PTPRM: variants seen among roughly 807,000 people sequenced by gnomAD.
The protein encoded by PTPRM is protein tyrosine phosphatase receptor type M.
In PTPRM, 47 loss-of-function variants were observed where a neutral mutation model predicts 186.7. The ratio of observed to expected loss-of-function variants is 0.25; its 90% CI spans 0.20 to 0.32. The LOEUF is 0.32. Ranked by LOEUF, PTPRM falls within the 10% of genes least tolerant of loss-of-function variation. The pLI is 1.00. For missense variants in PTPRM, 1,494 were observed against 1,865.0 expected (o/e 0.80, Z 3.66); for synonymous variants, 668 against 674.9 (o/e 0.99, Z 0.16).
At chr18:7,813,917 C>T (rs180820962) in intron 2 of PTPRM, among the ~76,000 whole-genome samples, 1,589 of 152,236 alleles carry the variant, frequency 0.01, 34 homozygotes, top group African/African-American at 0.036. Context: ...TTCAGATCAC[C>T]TTTAAAAAAT....
chr18:8,380,679 G>A (rs2095728023), intron 29 of PTPRM, among the ~76,000 whole-genome samples: 1 of 152,230 alleles, frequency 6.6e-6, no homozygotes, highest in Admixed American at 6.5e-5. Context: ...ACGGCCAGAA[G>A]TTGAGCTGTT....
chr18:7,633,425 C>G (rs2038238120), intron 1 of PTPRM, among the ~76,000 whole-genome samples: 1 of 152,160 alleles, frequency 6.6e-6, no homozygotes, highest in Non-Finnish European at 1.5e-5. Context: ...CACATCCTTT[C>G]TGGTTTCTTC....
At chr18:8,378,195 A>G in intron 26 of PTPRM, 70 bp from the exon 27 acceptor site, 1 of 1,469,352 alleles carries the variant, frequency 6.8e-7, no homozygotes, top group Non-Finnish European at 9.4e-7. Flanking sequence ...ATGTGGGGCT[A>G]AAATTGATAC....
intron 2 of PTPRM, among the ~76,000 whole-genome samples, chr18:7,842,162 A>G (rs1002517479): frequency 6.6e-6 from 1 of 152,176 alleles, no homozygotes; most frequent in Non-Finnish European, 1.5e-5. Context: ...GAAAAATATG[A>G]GGCTAAATGA....
At chr18:8,030,367 G>C (rs2085884282) in intron 7 of PTPRM, among the ~76,000 whole-genome samples, 2 of 152,174 alleles carry the variant, frequency 1.3e-5, no homozygotes, top group African/African-American at 4.8e-5. Context: ...GAAAGCCTAG[G>C]CCCTGAAACT....
chr18:7,853,401 A>G (rs2046957782), intron 2 of PTPRM, among the ~76,000 whole-genome samples: 1 of 152,132 alleles, frequency 6.6e-6, no homozygotes, highest in African/African-American at 2.4e-5. Flanking sequence ...CTCCCTTGGG[A>G]GCTTCAGGTA....
At chr18:8,306,703 C>T (rs564283427) in intron 20 of PTPRM, among the ~76,000 whole-genome samples, 2 of 152,324 alleles carry the variant, frequency 1.3e-5, no homozygotes, top group Admixed American at 1.3e-4. Context: ...AATGGCTAGA[C>T]CCTGGCCCTG....
intron 15 of PTPRM, among the ~76,000 whole-genome samples, chr18:8,244,893 C>T (rs916920035): frequency 3.3e-5 from 5 of 152,166 alleles, no homozygotes; most frequent in African/African-American, 9.7e-5. Flanking sequence ...TGGTTTAGGG[C>T]ACACTTTGGT....
intron 13 of PTPRM, among the ~76,000 whole-genome samples, chr18:8,125,958 G>T (rs2092324313): frequency 8.5e-6 from 1 of 118,234 alleles, no homozygotes; most frequent in African/African-American, 3.2e-5. Flanking sequence ...TGTGGAGAAT[G>T]CTATATGTGT....
At chr18:7,711,630 A>G (rs1441665132) in intron 1 of PTPRM, among the ~76,000 whole-genome samples, 6 of 152,298 alleles carry the variant, frequency 3.9e-5, no homozygotes, top group African/African-American at 7.2e-5. Context: ...GACATGGGAC[A>G]CTGGACTTGG....
chr18:7,862,863 C>A (rs2047465946), intron 2 of PTPRM, among the ~76,000 whole-genome samples: 1 of 152,134 alleles, frequency 6.6e-6, no homozygotes, highest in Admixed American at 6.5e-5. Context: ...GGCAAGTTAC[C>A]TGGGGATGTC....
chr18:7,677,181 C>G (rs1032061781), intron 1 of PTPRM, among the ~76,000 whole-genome samples: 5 of 152,172 alleles, frequency 3.3e-5, no homozygotes, highest in African/African-American at 1.2e-4. Flanking sequence ...TAGAATTGCT[C>G]TGGGCCACCT....
chr18:7,827,918 A>G (rs2045569196), intron 2 of PTPRM, among the ~76,000 whole-genome samples: 3 of 152,216 alleles, frequency 2.0e-5, no homozygotes, highest in African/African-American at 7.2e-5. Flanking sequence ...TATTTACCAG[A>G]CACTTCAGGG....
At chr18:7,981,876 G>C (rs73383831) in intron 7 of PTPRM, among the ~76,000 whole-genome samples, 3 of 152,084 alleles carry the variant, frequency 2.0e-5, no homozygotes, top group Admixed American at 6.6e-5. Context: ...ACATTGAAAC[G>C]TAGAAAAGGT....
At chr18:7,807,956 G>T (rs1010054743) in intron 2 of PTPRM, among the ~76,000 whole-genome samples, 1 of 152,020 alleles carries the variant, frequency 6.6e-6, no homozygotes, top group African/African-American at 2.4e-5. Context: ...CCTCGGATTC[G>T]TGGCTCTTTT....
At chr18:7,866,536 A>G (rs2047707094) in intron 2 of PTPRM, among the ~76,000 whole-genome samples, 1 of 152,224 alleles carries the variant, frequency 6.6e-6, no homozygotes. Context: ...ATTTGTCTGC[A>G]CTGTGGTCTG....
chr18:7,655,027 A>G (rs891800942), intron 1 of PTPRM, among the ~76,000 whole-genome samples: 4 of 152,196 alleles, frequency 2.6e-5, no homozygotes, highest in Admixed American at 6.5e-5. Context: ...TTGAATCTAT[A>G]TAAATTGCTT....
chr18:7,709,723 AC>A (rs1170005635), intron 1 of PTPRM, among the ~76,000 whole-genome samples: 1 of 152,152 alleles, frequency 6.6e-6, no homozygotes, highest in Non-Finnish European at 1.5e-5. Context: ...AGGAAATATG[AC>A]AACCGATATC....
intron 2 of PTPRM, among the ~76,000 whole-genome samples, chr18:7,845,727 C>T (rs964784579): frequency 6.6e-6 from 1 of 151,964 alleles, no homozygotes; most frequent in Admixed American, 6.6e-5. Context: ...ATAAGACTTC[C>T]TTATCTTTCT....
Sources: allele counts gnomAD v4.1 joint callset (sites outside exome capture counted in the v4.1 genomes callset), GRCh38; gene constraint gnomAD v4.1.1; transcripts MANE v1.5; gene names NCBI Gene and HGNC (gene_info 2026-07-23, HGNC 2026-07-21).